Variants in LCMT1 observed in about 807,000 individuals in gnomAD.
LCMT1 encodes the protein leucine carboxyl methyltransferase 1.
LCMT1 carries 32 observed loss-of-function variants against 47.7 expected under a neutral mutation model. That is an observed-to-expected ratio of 0.67 (90% CI 0.51 to 0.90). The LOEUF is 0.90. Ranked by LOEUF, LCMT1 falls within the 40% of genes least tolerant of loss-of-function variation. The probability of loss-of-function intolerance (pLI) is 0.00; values close to 1 mark genes in which losing one functional copy is unlikely to be tolerated. For missense variants in LCMT1, 375 were observed against 415.2 expected (o/e 0.90, Z 0.84); for synonymous variants, 152 against 149.7 (o/e 1.02, Z -0.11).
chr16:25,122,326 G>C (rs1960016184), intron 1 of LCMT1, among the ~76,000 whole-genome samples: 1 of 151,848 alleles, frequency 6.6e-6, no homozygotes, highest in African/African-American at 2.4e-5. Flanking sequence ...ATTATTGTTT[G>C]AGACAGTCTC....
chr16:25,120,028 C>T lies in LCMT1; in HGVS notation c.113+8032C>T, dbSNP rs368245838. Among the ~76,000 whole-genome samples the T allele has an allele frequency of 9.2e-5, 14 of 151,718 alleles. No homozygotes were observed. In the South Asian group the frequency reaches 1.9e-3, roughly 20 times the overall value. On this transcript the variant is annotated intron_variant, in intron 1 of 10. Transcript: ENST00000399069. ...ACAAAAAACTAGCTGGGTGTGACTG[C>T]GGGCGCCTGTAATCCTAGCTACTTG...
chr16:25,176,774 C>G (rs1961958256), intron 10 of LCMT1, among the ~76,000 whole-genome samples: 2 of 148,962 alleles, frequency 1.3e-5, no homozygotes, highest in Non-Finnish European at 3.0e-5. Flanking sequence ...GTTGGCCAGG[C>G]TGGTCTCGAA....
intron 1 of LCMT1, among the ~76,000 whole-genome samples, chr16:25,117,594 C>T (rs1959836221): frequency 6.6e-6 from 1 of 152,142 alleles, no homozygotes; most frequent in East Asian, 1.9e-4. Context: ...TGGCTCACAC[C>T]TGTAATCCCA....
At chr16:25,149,678 C>T (rs1961009017) in intron 4 of LCMT1, among the ~76,000 whole-genome samples, 1 of 152,156 alleles carries the variant, frequency 6.6e-6, no homozygotes, top group Admixed American at 6.5e-5. Context: ...CTTTGGAAGG[C>T]CAAGGCTGGT....
chr16:25,124,674 G>GCCTGT (rs1324132363), intron 1 of LCMT1, among the ~76,000 whole-genome samples: 1 of 152,214 alleles, frequency 6.6e-6, no homozygotes, highest in African/African-American at 2.4e-5. Flanking sequence ...ATGAGGAAAT[G>GCCTGT]CCTGTTGGAG....
intron 1 of LCMT1, among the ~76,000 whole-genome samples, chr16:25,127,335 G>A (rs1023146039): frequency 1.3e-5 from 2 of 152,144 alleles, no homozygotes; most frequent in African/African-American, 4.8e-5. Context: ...AACTGTGTGG[G>A]TATGCTGTTT....
intron 1 of LCMT1, among the ~76,000 whole-genome samples, chr16:25,120,348 C>T (rs570550056): frequency 2.2e-4 from 34 of 151,154 alleles, no homozygotes; most frequent in African/African-American, 7.7e-4. Flanking sequence ...TTCAGCCTCC[C>T]GAGTAGCTGG....
At position 25,169,085 on chromosome 16, in the gene LCMT1, A is replaced by G. The variant is rs1415298347; in HGVS notation, c.691-27A>G. 3.4e-6 allele frequency: 5 copies of G among 1,491,342 alleles called. No homozygotes were observed. In the African/African-American group the frequency reaches 5.5e-5, roughly 16 times the overall value. 92.4% of individuals were successfully genotyped at this position (1,491,342 alleles called of 1,614,324 possible). A position where few individuals can be genotyped will look rare whatever the true frequency, so the allele number is the denominator to read the frequency against. ...GCATATTTAGGAAACCCTTAGAGTA[A>G]TATCTTACCTTCTCTTTCCCTCCTA... On this transcript the variant is annotated intron_variant, in intron 7 of 10. Transcript: ENST00000399069.
At position 25,128,381 on chromosome 16, in the gene LCMT1, AG is replaced by A. The variant is rs1211756973; in HGVS notation, c.114-93del. 3 of 868,942 alleles carry A rather than the reference AG, an allele frequency of 3.5e-6. No homozygotes were observed. The African/African-American group carries it at 5.1e-5, about 15-fold the overall frequency. The allele number at this position is 868,942 out of a possible 1,614,324, so 53.8% of individuals were successfully genotyped here. On this transcript the variant is annotated intron_variant, in intron 1 of 10. Transcript: ENST00000399069. ...TGAGGTGGATGGTTGGTTTTCGTCG[AG>A]TTCCTTGATCTGGTTCCTGGGAACT... is the stretch of plus-strand genomic sequence containing the variant.
chr16:25,131,980 T>C, intron 2 of LCMT1: 1 of 221,902 alleles, frequency 4.5e-6, no homozygotes, highest in South Asian at 5.9e-5. Context: ...TTCCTTTGTG[T>C]TAACATTCAT....
intron 2 of LCMT1, chr16:25,132,113 C>T (rs1351075032): frequency 2.2e-6 from 1 of 450,256 alleles, no homozygotes; most frequent in Non-Finnish European, 4.3e-6. Context: ...GGACTTTAGA[C>T]GTTTCAATGT....
At chr16:25,125,973 C>T (rs774288145) in intron 1 of LCMT1, 10 of 1,253,530 alleles carry the variant, frequency 8.0e-6, no homozygotes, top group South Asian at 6.6e-5. Flanking sequence ...GAACTGCCAT[C>T]AGCAGCGCCC....
intron 2 of LCMT1, 25 bp from the exon 3 acceptor site, chr16:25,132,377 T>C (rs1960373707): frequency 1.2e-6 from 2 of 1,612,442 alleles, no homozygotes; most frequent in South Asian, 2.2e-5. Context: ...TGATAGCTTG[T>C]TTCTGTGCCT....
chr16:25,136,856 G>A (rs906461404), intron 3 of LCMT1, among the ~76,000 whole-genome samples: 16 of 152,006 alleles, frequency 1.1e-4, no homozygotes, highest in South Asian at 2.1e-4. Flanking sequence ...TTTCTTAAGC[G>A]CTCCGGGTGT....
intron 4 of LCMT1, chr16:25,145,852 A>T (rs1175385401): frequency 6.6e-6 from 1 of 152,214 alleles, no homozygotes; most frequent in Non-Finnish European, 1.5e-5. Flanking sequence ...CTGTCCTAGG[A>T]CTGAAGTGTC....
rs141338406 is a variant in LCMT1 at position 25,177,981 on chromosome 16, C to T, written c.983-20C>T. 6.2e-7 allele frequency: 1 copy of T among 1,613,126 alleles called. No individual in the cohort carries two copies. The highest frequency in any genetic ancestry group is 1.3e-5 in the African/African-American group (1 of 75,028). On this transcript the variant is annotated intron_variant, in intron 10 of 10. Transcript: ENST00000399069. ...GGCCACCAGAGTCTCCTAATGGTGT[C>T]TGTGTGTCTCTCCCCTCAGGGCTGA...
chr16:25,122,557 G>A (rs1282778254), intron 1 of LCMT1, among the ~76,000 whole-genome samples: 1 of 151,954 alleles, frequency 6.6e-6, no homozygotes, highest in Non-Finnish European at 1.5e-5. Context: ...TTGAACTCCT[G>A]GGCTCAGGTG....
At chr16:25,153,104 C>T (rs1316287653) in intron 5 of LCMT1, among the ~76,000 whole-genome samples, 1 of 152,010 alleles carries the variant, frequency 6.6e-6, no homozygotes, top group African/African-American at 2.4e-5. Flanking sequence ...TTCTCTGAGG[C>T]GGGGGTGGCA....
At chr16:25,147,224 G>A (rs757988196) in intron 4 of LCMT1, 15 of 152,138 alleles carry the variant, frequency 9.9e-5, no homozygotes, top group South Asian at 2.1e-4. Flanking sequence ...CCAAAAAAAG[G>A]AACTTGGATC....
Sources: gnomAD v4.1 joint callset for allele counts (sites outside exome capture counted in the v4.1 genomes callset) on GRCh38, gnomAD v4.1.1 for gene constraint, MANE v1.5 for transcripts, NCBI Gene and HGNC (gene_info 2026-07-23, HGNC 2026-07-21) for gene names.